Variants in CHSY3 observed in about 807,000 individuals in gnomAD.
CHSY3 encodes chondroitin sulfate synthase 3.
Under a neutral mutation model 67.2 loss-of-function variants are expected in CHSY3, and 35 were observed. The observed-to-expected ratio is 0.52, with a 90% CI of 0.40 to 0.69. The LOEUF is 0.69. Ranked by LOEUF, CHSY3 falls within the 30% of genes least tolerant of loss-of-function variation. CHSY3 has a pLI of 0.00. For missense variants in CHSY3, 1,069 were observed against 1,138.5 expected, an observed-to-expected ratio of 0.94 and a Z score of 0.88; for synonymous variants, 474 against 434.7, an observed-to-expected ratio of 1.09 and a Z score of -1.12.
chr5:129,911,198 TAA>T (rs996080590), intron 2 of CHSY3, among the ~76,000 whole-genome samples: 9 of 151,960 alleles, frequency 5.9e-5, no homozygotes, highest in African/African-American at 1.4e-4. Context: ...TCCTTGAATA[TAA>T]GTTATATTTT....
intron 2 of CHSY3, among the ~76,000 whole-genome samples, chr5:129,930,508 C>CGG (rs34781346): frequency 9.5e-6 from 1 of 105,278 alleles, no homozygotes; most frequent in Non-Finnish European, 1.8e-5. Flanking sequence ...GCATCACTGG[C>CGG]GGGGGGGGGG....
Position 130,009,449 on chromosome 5 carries a change from G to A in CHSY3, c.1086+101089G>A, listed in dbSNP as rs535144748. On this transcript the variant is annotated intron_variant, in intron 2 of 2. Transcript: ENST00000305031. The stretch of plus-strand genomic sequence containing the variant: ...ATTCATTACCACTAGACCTGCCTTT[G>A]AAGAGGTCCTTAAAGGAGTGCTAGA... 4.5e-4 allele frequency among the ~76,000 whole-genome samples: 68 copies of A among 151,730 alleles called. 1 individual carries two copies. The South Asian group carries it at 0.014, about 31-fold the overall frequency.
At position 130,062,829 on chromosome 5, in the gene CHSY3, G is replaced by A. The variant is rs372809241; in HGVS notation, c.1087-121400G>A. ...TATATATCAGACTGAAATAAATATC[G>A]AGCATATTTTAAGTTATATATTAAC... On this transcript the variant is annotated intron_variant, in intron 2 of 2. Transcript: ENST00000305031. Among the ~76,000 whole-genome samples, 26 of 151,614 alleles carry A rather than the reference G, an allele frequency of 1.7e-4. No homozygotes were observed. The East Asian group carries it at 4.5e-3, about 26-fold the overall frequency.
intron 2 of CHSY3, among the ~76,000 whole-genome samples, chr5:129,952,183 A>G (rs1454909522): frequency 3.9e-5 from 6 of 152,178 alleles, no homozygotes; most frequent in African/African-American, 1.2e-4. Context: ...CGTTTCAAGT[A>G]AAAGTGGAAA....
intron 2 of CHSY3, among the ~76,000 whole-genome samples, chr5:129,959,036 C>T (rs1762256692): frequency 6.6e-6 from 1 of 152,060 alleles, no homozygotes; most frequent in South Asian, 2.1e-4. Context: ...CAAATTTCAG[C>T]TTGAATCTTG....
chr5:130,156,024 G>C (rs1769367080), intron 2 of CHSY3, among the ~76,000 whole-genome samples: 1 of 152,180 alleles, frequency 6.6e-6, no homozygotes, highest in South Asian at 2.1e-4. Flanking sequence ...ATGGTATGAG[G>C]AGTGCAGTTA....
At chr5:130,024,409 T>C (rs1764480844) in intron 2 of CHSY3, among the ~76,000 whole-genome samples, 1 of 152,108 alleles carries the variant, frequency 6.6e-6, no homozygotes, top group Non-Finnish European at 1.5e-5. Context: ...ACTTGATTAA[T>C]GTAAGGAAAG....
At chr5:130,044,416 A>G (rs931874636) in intron 2 of CHSY3, among the ~76,000 whole-genome samples, 4 of 152,092 alleles carry the variant, frequency 2.6e-5, no homozygotes, top group Non-Finnish European at 5.9e-5. Context: ...GAAGTGTGGC[A>G]GATACACATC....
At chr5:130,077,445 C>T (rs1263253957) in intron 2 of CHSY3, among the ~76,000 whole-genome samples, 2 of 152,152 alleles carry the variant, frequency 1.3e-5, no homozygotes, top group East Asian at 1.9e-4. Flanking sequence ...TAAGGATGGG[C>T]ATTTTAAAGG....
intron 2 of CHSY3, among the ~76,000 whole-genome samples, chr5:130,178,393 C>T (rs188573272): frequency 0.043 from 6,463 of 150,660 alleles, 463 homozygotes; most frequent in African/African-American, 0.14. Flanking sequence ...GCTGGAACTA[C>T]AGGCACCCAC....
At chr5:130,053,472 G>A (rs746545499) in intron 2 of CHSY3, among the ~76,000 whole-genome samples, 1 of 152,072 alleles carries the variant, frequency 6.6e-6, no homozygotes, top group Non-Finnish European at 1.5e-5. Context: ...TAGTAATGAT[G>A]GTCATTCCTC....
intron 2 of CHSY3, among the ~76,000 whole-genome samples, chr5:130,068,990 A>T (rs775866219): frequency 3.9e-5 from 6 of 152,068 alleles, no homozygotes; most frequent in Non-Finnish European, 7.4e-5. Context: ...CAAAATATAT[A>T]TGTATTTCAT....
intron 2 of CHSY3, among the ~76,000 whole-genome samples, chr5:129,991,066 A>G (rs970303721): frequency 6.6e-5 from 10 of 152,194 alleles, no homozygotes; most frequent in Middle Eastern, 3.2e-3. Context: ...AAAGTAGATC[A>G]TTAGAACTGA....
chr5:129,926,904 T>C (rs1761133792), intron 2 of CHSY3, among the ~76,000 whole-genome samples: 1 of 151,992 alleles, frequency 6.6e-6, no homozygotes, highest in South Asian at 2.1e-4. Flanking sequence ...GTCAAGTGTA[T>C]AAATAATTTT....
chr5:130,072,344 T>G (rs1461295463), intron 2 of CHSY3, among the ~76,000 whole-genome samples: 1 of 152,090 alleles, frequency 6.6e-6, no homozygotes, highest in Non-Finnish European at 1.5e-5. Flanking sequence ...GAGAAAATAT[T>G]TTACTTTTAT....
intron 2 of CHSY3, among the ~76,000 whole-genome samples, chr5:130,119,197 G>A (rs73785894): frequency 2.6e-4 from 39 of 152,310 alleles, no homozygotes; most frequent in African/African-American, 9.4e-4. Context: ...CATTTAGAAA[G>A]TAGATATCCA....
rs544135899 is a variant in CHSY3 at position 129,939,127 on chromosome 5, C to A, written c.1086+30767C>A. On this transcript the variant is annotated intron_variant, in intron 2 of 2. Coordinates refer to ENST00000305031, the MANE Select transcript of CHSY3 (RefSeq NM_175856.5). ...AGAAGCTTACAGGGAAGTAGGCATA[C>A]CTTCTCATGCTGTCAGGAAAGAGAG... 2.2e-4 allele frequency among the ~76,000 whole-genome samples: 34 copies of A among 152,264 alleles called. No homozygotes were observed. The East Asian group carries it at 5.2e-3, about 23-fold the overall frequency.
intron 2 of CHSY3, among the ~76,000 whole-genome samples, chr5:130,001,054 G>A (rs1025090249): frequency 6.0e-5 from 9 of 151,022 alleles, no homozygotes; most frequent in Admixed American, 5.3e-4. Flanking sequence ...TTAACTTTTT[G>A]TATTTTTAGT....
Position 129,904,797 on chromosome 5 carries a change from G to C in CHSY3, c.-33G>C, listed in dbSNP as rs1446663476. 1 of 1,358,266 alleles carries C rather than the reference G, an allele frequency of 7.4e-7. No homozygotes were observed. Among genetic ancestry groups the C allele is most frequent in the Admixed American group, 3.2e-5 (1 of 31,040 alleles). The allele number at this position is 1,358,266 out of a possible 1,614,324, so 84.1% of individuals were successfully genotyped here. ...GGAAACCGCGTGCCGCGCCGCGACA[G>C]CCCAGCGAGCGTCCGCGCCCGGGAC... is the stretch of plus-strand genomic sequence containing the variant. On this transcript the variant is annotated 5_prime_UTR_variant, in exon 1 of 3. Transcript: ENST00000305031.
Sources: gnomAD v4.1 joint callset for allele counts (sites outside exome capture counted in the v4.1 genomes callset) on GRCh38, gnomAD v4.1.1 for gene constraint, MANE v1.5 for transcripts, NCBI Gene and HGNC (gene_info 2026-07-23, HGNC 2026-07-21) for gene names.